AMZ2: variants seen among roughly 807,000 people sequenced by gnomAD.
AMZ2 encodes the protein archaelysin family metallopeptidase 2, also known as archaemetzincin-2.
Under a neutral mutation model 36.7 loss-of-function variants are expected in AMZ2, and 26 were observed. That is an observed-to-expected ratio of 0.71 (90% CI 0.52 to 0.98). The LOEUF (loss-of-function observed/expected upper bound fraction) is 0.98, where lower values mean the gene tolerates loss of function less well. Among genes scored for constraint, AMZ2 ranks in the 50% least tolerant of loss-of-function variants. The pLI, the probability that AMZ2 is intolerant of heterozygous loss-of-function variation, is 0.00. For missense variants in AMZ2, 394 were observed against 430.5 expected, an observed-to-expected ratio of 0.92 and a Z score of 0.75; for synonymous variants, 144 against 149.1, an observed-to-expected ratio of 0.97 and a Z score of 0.25.
rs1443147702 is a variant in AMZ2, at chr17:68,255,860, T to C, written c.911T>C (p.Ile304Thr). 25 of 1,613,916 alleles carry C rather than the reference T, an allele frequency of 1.5e-5. No individual in the cohort carries two copies. Among genetic ancestry groups the C allele is most frequent in the African/African-American group, 2.7e-5 (2 of 74,836 alleles). ...TTGCAGTGTGCTGTTGGCTTCAGCATTGTAGAAAGATACAAAGTAAGTTGG... is the reference window on the plus strand; with the variant it reads ...TTGCAGTGTGCTGTTGGCTTCAGCACTGTAGAAAGATACAAAGTAAGTTGG... ...HKLQCAVGFS[I>T]VERYKALVRW... is the part of the protein sequence containing the mutation. The change falls in exon 6 of 7, where the codon ATT (isoleucine) becomes ACT (threonine). Residue 304 changes from isoleucine (I) to threonine (T), a missense_variant. Ile to Thr is a moderately conservative substitution (Grantham distance 89, BLOSUM62 -1). Coordinates refer to ENST00000359904, the MANE Select transcript of AMZ2 (RefSeq NM_016627.5).
chr17:68,250,174 C>G lies in AMZ2; in HGVS notation c.1-14C>G. The G allele has an allele frequency of 6.2e-7, 1 of 1,602,678 alleles. No homozygotes were observed. ...ATGTATTTTTATATTTGATTACTTG[C>G]TTTTTTTTGTTAGATGCAAATAATA... On this transcript the variant is annotated splice_polypyrimidine_tract_variant and intron_variant, in intron 1 of 6. Transcript: ENST00000359904.
chr17:68,224,238 C>T (rs782193191), intron 1 of AMZ2, among the ~76,000 whole-genome samples: 63 of 152,290 alleles, frequency 4.1e-4, no homozygotes, highest in African/African-American at 1.4e-3. Context: ...CCACTGTGCC[C>T]GCTAATGGAT....
upstream of AMZ2, among the ~76,000 whole-genome samples, chr17:68,246,077 A>G (rs2073995854): frequency 6.6e-6 from 1 of 151,418 alleles, no homozygotes; most frequent in Admixed American, 6.6e-5. Flanking sequence ...AGGCCGAAGT[A>G]GGTGGATCAC....
chr17:68,211,105 A>T (rs1555725807), intron 1 of AMZ2, among the ~76,000 whole-genome samples: 2 of 151,900 alleles, frequency 1.3e-5, no homozygotes, highest in African/African-American at 4.8e-5. Context: ...AATGTCCCAA[A>T]TGGGCAAATT....
At chr17:68,246,141 AC>A (rs2144666517), upstream of AMZ2, among the ~76,000 whole-genome samples, 1 of 150,386 alleles carries the variant, frequency 6.6e-6, no homozygotes, top group African/African-American at 2.5e-5. Context: ...CCCCGTCTCT[AC>A]TAAAAATACA....
chr17:68,251,949 T>C (rs1296978772), intron 4 of AMZ2, among the ~76,000 whole-genome samples: 1 of 152,142 alleles, frequency 6.6e-6, no homozygotes, highest in East Asian at 1.9e-4. Flanking sequence ...TAATAAACCT[T>C]GACTCATTAG....
intron 1 of AMZ2, among the ~76,000 whole-genome samples, chr17:68,236,778 C>G (rs2073799589): frequency 6.6e-6 from 1 of 151,806 alleles, no homozygotes; most frequent in African/African-American, 2.4e-5. Context: ...ACGGGTTTCA[C>G]CATGTTGGCC....
intron 1 of AMZ2, among the ~76,000 whole-genome samples, chr17:68,231,244 T>C (rs1555731173): frequency 1.3e-5 from 2 of 152,012 alleles, no homozygotes; most frequent in African/African-American, 4.8e-5. Context: ...TCTTGTATTT[T>C]TTTTTTAGTA....
rs567948530 is a variant in AMZ2, at chr17:68,240,078, C to T, written c.-66-8562C>T. Among the ~76,000 whole-genome samples the T allele has an allele frequency of 5.3e-5, 8 of 152,286 alleles. No homozygotes were observed. The East Asian group carries it at 1.3e-3, about 26-fold the overall frequency. ...AATTTATTTCCCACGGTTCTAGGAA[C>T]TGGAATCCAAGATCAAGGTGCTGAT... On this transcript the variant is annotated intron_variant, in intron 1 of 7. Transcript: ENST00000674770.
chr17:68,248,137 G>A lies in AMZ2; in HGVS notation c.-569G>A. ...TCAGGGCGGTTCGCGGGTGCTGTCAGAGCTGGGCCGGGGCCCCTAGGCAGG... is the reference window on the plus strand; with the variant it reads ...TCAGGGCGGTTCGCGGGTGCTGTCAAAGCTGGGCCGGGGCCCCTAGGCAGG... On this transcript the variant is annotated 5_prime_UTR_variant, in exon 1 of 7. Transcript: ENST00000359904. 2 of 986,642 alleles carry A rather than the reference G, an allele frequency of 2.0e-6. No homozygotes were observed. The highest frequency in any genetic ancestry group is 2.4e-6 in the Non-Finnish European group (2 of 830,808). The allele number at this position is 986,642 out of a possible 1,614,324, so 61.1% of individuals were successfully genotyped here. A position where few individuals can be genotyped will look rare whatever the true frequency, so the allele number is the denominator to read the frequency against.
At chr17:68,240,977 G>A (rs1277598517) in intron 1 of AMZ2, among the ~76,000 whole-genome samples, 1 of 152,168 alleles carries the variant, frequency 6.6e-6, no homozygotes, top group Non-Finnish European at 1.5e-5. Flanking sequence ...GGGATGTGCT[G>A]CTGAAACCAA....
At chr17:68,243,969 A>C (rs1555734639), upstream of AMZ2, among the ~76,000 whole-genome samples, 2 of 152,356 alleles carry the variant, frequency 1.3e-5, no homozygotes, top group Non-Finnish European at 2.9e-5. Flanking sequence ...AAGAACCTTA[A>C]ATAAATACTA....
intron 1 of AMZ2, among the ~76,000 whole-genome samples, chr17:68,234,032 G>A (rs2073730824): frequency 6.6e-6 from 1 of 152,088 alleles, no homozygotes; most frequent in Non-Finnish European, 1.5e-5. Context: ...ATATAAATGT[G>A]TAACAAGAAC....
At chr17:68,224,394 ACTGAG>A (rs1447772752) in intron 1 of AMZ2, among the ~76,000 whole-genome samples, 1 of 152,252 alleles carries the variant, frequency 6.6e-6, no homozygotes, top group Non-Finnish European at 1.5e-5. Flanking sequence ...TTCTGTGTTT[ACTGAG>A]CTGTGTGGCC....
chr17:68,244,579 G>A (rs188849039), upstream of AMZ2, among the ~76,000 whole-genome samples: 15 of 152,236 alleles, frequency 9.9e-5, no homozygotes, highest in Admixed American at 3.3e-4. Flanking sequence ...GAGCCACCTC[G>A]CCCAGCCTGT....
At chr17:68,247,348 A>AGCAAG (rs1555736057), upstream of AMZ2, 1 of 154,584 alleles carries the variant, frequency 6.5e-6, no homozygotes, top group African/African-American at 2.4e-5. Flanking sequence ...AAAAAAAAAA[A>AGCAAG]AAAAAAAAAA....
intron 1 of AMZ2, among the ~76,000 whole-genome samples, chr17:68,209,699 G>A (rs1204517852): frequency 6.8e-6 from 1 of 146,368 alleles, no homozygotes; most frequent in Non-Finnish European, 1.5e-5. Context: ...CTGACTCATG[G>A]CAACCTCCAC....
At chr17:68,241,233 T>C (rs2073894458) in intron 1 of AMZ2, among the ~76,000 whole-genome samples, 1 of 152,204 alleles carries the variant, frequency 6.6e-6, no homozygotes. Context: ...ACATGCATAT[T>C]ATATAATTTT....
intron 1 of AMZ2, among the ~76,000 whole-genome samples, chr17:68,237,311 G>A (rs1164105365): frequency 1.3e-5 from 2 of 151,920 alleles, no homozygotes; most frequent in Non-Finnish European, 2.9e-5. Context: ...CTGGGCAAAA[G>A]GACCAGGCAT....
Sources: allele counts gnomAD v4.1 joint callset (sites outside exome capture counted in the v4.1 genomes callset), GRCh38; gene constraint gnomAD v4.1.1; transcripts MANE v1.5; gene names NCBI Gene and HGNC (gene_info 2026-07-23, HGNC 2026-07-21).